The following SASH1 variants were observed in gnomAD, a reference collection of about 807,000 sequenced individuals.
SASH1 encodes the protein SAM and SH3 domain containing 1, also known as SAM and SH3 domain-containing protein 1.
A neutral mutation model predicts 125.2 loss-of-function variants in SASH1; 44 were observed. That is an observed-to-expected ratio of 0.35 (90% confidence interval 0.28 to 0.45). SASH1 has a LOEUF of 0.45. Among genes scored for constraint, SASH1 ranks in the 20% least tolerant of loss-of-function variants. SASH1 has a pLI of 1.00. For synonymous variants in SASH1, 639 were observed against 649.1 expected, an observed-to-expected ratio of 0.98 and a Z score of 0.24; for missense variants, 1,426 against 1,614.5, an observed-to-expected ratio of 0.88 and a Z score of 2.00.
chr6:148,207,095 C>A, the SASH1 span, among the ~76,000 whole-genome samples: 1 of 152,266 alleles, frequency 6.6e-6, no homozygotes, highest in Non-Finnish European at 1.5e-5. Flanking sequence ...TAAGCATTGG[C>A]AAAGCATCCC....
chr6:148,263,219 G>A, the SASH1 span, among the ~76,000 whole-genome samples: 15 of 152,262 alleles, frequency 9.9e-5, no homozygotes, highest in Admixed American at 5.9e-4. Context: ...AGCCTTCCCC[G>A]AAGAAGCAGA....
At chr6:148,448,363 C>G (rs1440106594) in intron 4 of SASH1, among the ~76,000 whole-genome samples, 2 of 152,074 alleles carry the variant, frequency 1.3e-5, no homozygotes, top group African/African-American at 4.8e-5. Flanking sequence ...TCCCTAGTTG[C>G]TAAACTTTTG....
chr6:148,225,213 G>T, the SASH1 span, among the ~76,000 whole-genome samples: 5 of 152,136 alleles, frequency 3.3e-5, no homozygotes, highest in Admixed American at 6.5e-5. Flanking sequence ...TTTTAACTGT[G>T]TTCCTAATTG....
chr6:148,382,019 GT>G (rs1562366457), intron 1 of SASH1, among the ~76,000 whole-genome samples: 1 of 152,206 alleles, frequency 6.6e-6, no homozygotes, highest in Non-Finnish European at 1.5e-5. Context: ...CAAAGACTCT[GT>G]GGGGGATTGT....
In SASH1 at chr6:148,519,424, ATG is replaced by A. The variant is rs1019705868; in HGVS notation, c.863-121_863-120del. On this transcript the variant is annotated intron_variant, in intron 9 of 19. Coordinates refer to ENST00000367467, the MANE Select transcript of SASH1 (RefSeq NM_015278.5). This position sits in a 1 kb window ranked among gnomAD's most constrained non-coding sequence, Gnocchi z 4.8. ...AGTGTATTTTCATTTTTCTGTACAT[ATG>A]TAAGTGGGAGCTGGGTTTATAAAGA... The A allele has an allele frequency of 1.5e-6, 1 of 672,028 alleles. No homozygotes were observed. The highest frequency in any genetic ancestry group is 1.8e-5 in the African/African-American group (1 of 55,152). The allele number at this position is 672,028 out of a possible 1,614,324, so 41.6% of individuals were successfully genotyped here. A position where few individuals can be genotyped will look rare whatever the true frequency, so the allele number is the denominator to read the frequency against.
chr6:148,326,345 T>TGC (rs1184848357), intron 1 of SASH1, among the ~76,000 whole-genome samples: 6 of 89,058 alleles, frequency 6.7e-5, no homozygotes, highest in African/African-American at 8.8e-5. Flanking sequence ...TATATATATA[T>TGC]ATATATATAT....
At chr6:148,430,423 C>T (rs1776014874) in intron 2 of SASH1, among the ~76,000 whole-genome samples, 1 of 152,234 alleles carries the variant, frequency 6.6e-6, no homozygotes, top group Admixed American at 6.5e-5. Context: ...CCTTCGCCTC[C>T]TGGGTTCAAG....
chr6:148,432,579 C>G (rs1430283585), intron 2 of SASH1, among the ~76,000 whole-genome samples: 3 of 152,238 alleles, frequency 2.0e-5, no homozygotes, highest in Non-Finnish European at 4.4e-5. Flanking sequence ...TTTTCCACCT[C>G]CTCCTTCCTG....
chr6:148,249,345 T>TGTGC, the SASH1 span, among the ~76,000 whole-genome samples: 51 of 166 alleles, frequency 0.31, no homozygotes, highest in African/African-American at 0.42. Flanking sequence ...TGTGTGTGTG[T>TGTGC]GCATGCATCA....
intron 1 of SASH1, among the ~76,000 whole-genome samples, chr6:148,349,940 G>A (rs796993901): frequency 1.1e-4 from 17 of 151,778 alleles, no homozygotes; most frequent in African/African-American, 4.1e-4. Flanking sequence ...CCTCCTCCCG[G>A]GTTCATGTCA....
intron 4 of SASH1, among the ~76,000 whole-genome samples, chr6:148,448,289 G>A (rs1429216423): frequency 1.3e-5 from 2 of 152,124 alleles, no homozygotes; most frequent in African/African-American, 2.4e-5. Context: ...AACATGCTTA[G>A]GTCTTCTTTA....
chr6:148,208,584 T>G, the SASH1 span, among the ~76,000 whole-genome samples: 1 of 152,228 alleles, frequency 6.6e-6, no homozygotes, highest in African/African-American at 2.4e-5. Context: ...TAATAAATCA[T>G]GGCATTTCTG....
upstream of SASH1, among the ~76,000 whole-genome samples, chr6:148,338,055 T>TCTATACCC (rs554823233): frequency 6.6e-6 from 1 of 151,752 alleles, no homozygotes; most frequent in Non-Finnish European, 1.5e-5. Flanking sequence ...TTCAATGGAA[T>TCTATACCC]ATCTACACTT....
chr6:148,431,233 C>A (rs1776046397), intron 2 of SASH1, among the ~76,000 whole-genome samples: 1 of 151,892 alleles, frequency 6.6e-6, no homozygotes, highest in African/African-American at 2.4e-5. Context: ...CGGAGTCACT[C>A]TGTCGCCCAG....
intron 1 of SASH1, among the ~76,000 whole-genome samples, chr6:148,314,597 C>A (rs558533241): frequency 1.9e-4 from 29 of 152,210 alleles, no homozygotes; most frequent in Non-Finnish European, 3.7e-4. Context: ...TCAGTTTAGG[C>A]CCTCAAACAA....
rs1782694004 is a variant in SASH1 at position 148,548,440 on chromosome 6, T to G, written c.3626T>G (p.Val1209Gly). 6.2e-7 allele frequency: 1 copy of G among 1,614,102 alleles called. No individual in the cohort carries two copies. Among genetic ancestry groups the G allele is most frequent in the Non-Finnish European group, 8.5e-7 (1 of 1,180,058 alleles). The change falls in exon 20 of 20, where the codon GTG becomes GGG. Residue 1209 changes from valine (V) to glycine (G), a missense_variant. Physicochemically the swap from Val to Gly is moderately radical, Grantham distance 109 (BLOSUM62 -3). Transcript: ENST00000367467. ...STAGFSTLSQVPSLSHTCLQE... is the reference protein window; with the variant it reads ...STAGFSTLSQGPSLSHTCLQE... ...GCGGGCTTCAGCACACTGAGCCAAG[T>G]GCCTTCTCTGTCTCACACTTGCCTT...
chr6:148,492,503 G>A (rs879304950), intron 8 of SASH1, among the ~76,000 whole-genome samples: 37 of 152,278 alleles, frequency 2.4e-4, no homozygotes, highest in African/African-American at 7.9e-4. Flanking sequence ...GACAGTTTAT[G>A]CTGTAGAGCA....
chr6:148,362,598 G>A (rs1782280922), intron 1 of SASH1, among the ~76,000 whole-genome samples: 1 of 151,232 alleles, frequency 6.6e-6, no homozygotes, highest in Non-Finnish European at 1.5e-5. Context: ...GTGGTCGTAT[G>A]AGGAAACGGA....
intron 1 of SASH1, 135 bp downstream of exon 1, chr6:148,343,358 G>T (rs1426052920): frequency 6.9e-6 from 5 of 728,958 alleles, no homozygotes; most frequent in Admixed American, 3.0e-5. Flanking sequence ...TAGTTCTTAG[G>T]GGGCTAAATA....
Sources: allele counts gnomAD v4.1 joint callset (sites outside exome capture counted in the v4.1 genomes callset), GRCh38; gene constraint gnomAD v4.1.1; non-coding constraint Gnocchi (gnomAD v3.1); transcripts MANE v1.5; gene names NCBI Gene and HGNC (gene_info 2026-07-23, HGNC 2026-07-21).